HPR: variants seen among roughly 807,000 people sequenced by gnomAD.
HPR encodes haptoglobin-related protein, also known as Haptoglobin-related locus.
A neutral mutation model predicts 18.5 loss-of-function variants in HPR; 17 were observed. That is an observed-to-expected ratio of 0.92 (90% confidence interval 0.63 to 1.38). The LOEUF is 1.38. Among genes scored for constraint, HPR ranks in the 40% most tolerant of loss-of-function variants. The probability of loss-of-function intolerance (pLI) is 0.00; values close to 1 mark genes in which losing one functional copy is unlikely to be tolerated. For missense variants in HPR, 457 were observed against 432.4 expected (o/e 1.06, Z -0.51); for synonymous variants, 176 against 165.0 (o/e 1.07, Z -0.51).
rs751302143 is a variant in HPR, at chr16:72,063,231, T to C, written c.-25T>C. ...ACCAGCAGATGCCCCACAGCACTGC[T>C]CTTCCAGAGGCAAGACCAACCAAGA... On this transcript the variant is annotated 5_prime_UTR_variant, in exon 1 of 5. Transcript: ENST00000540303. The C allele has an allele frequency of 4.5e-5, 71 of 1,589,390 alleles. 2 individuals carry two copies. The South Asian group carries it at 6.5e-4, about 15-fold the overall frequency.
intron 4 of HPR, among the ~76,000 whole-genome samples, chr16:72,075,849 G>C (rs1179355686): frequency 2.7e-5 from 2 of 73,354 alleles, no homozygotes; most frequent in African/African-American, 9.9e-5. Context: ...TTTTTTTTTT[G>C]AGACAGAGTT....
rs1398532895 is a variant in HPR, at chr16:72,076,596, G to A, written c.562G>A (p.Asp188Asn). The A allele has an allele frequency of 1.9e-6, 3 of 1,614,122 alleles. No homozygotes were observed. In the African/African-American group the frequency reaches 4.0e-5, roughly 22 times the overall value. ...TCTACACCCTAACTACCACCAGGTA[G>A]ATATTGGGCTCATCAAACTCAAACA... ...VVLHPNYHQV[D>N]IGLIKLKQKV... Residue 188 changes from aspartate to asparagine, a missense_variant, in exon 5 of 5, where the codon GAT (aspartate) becomes AAT (asparagine). Physicochemically the swap from Asp to Asn is conservative, Grantham distance 23 (BLOSUM62 1). Transcript: ENST00000540303.
rs886687283 is a variant in HPR, at chr16:72,076,437, A to G, written c.403A>G (p.Asn135Asp). The change falls in exon 5 of 5, where the codon AAT becomes GAT. Residue 135 changes from asparagine to aspartate, a missense_variant. Physicochemically the swap from Asn to Asp is conservative, Grantham distance 23 (BLOSUM62 1). Transcript: ENST00000540303. The part of the protein sequence containing the change: ...HNLTTGATLI[N>D]EQWLLTTAKN... ...TCTCACCACAGGGGCCACGCTGATC[A>G]ATGAACAATGGCTGCTGACCACGGC... is the stretch of plus-strand genomic sequence containing the variant. The G allele has an allele frequency of 6.2e-7, 1 of 1,614,104 alleles. No homozygotes were observed. The highest frequency in any genetic ancestry group is 8.5e-7 in the Non-Finnish European group (1 of 1,180,054).
intron 1 of HPR, among the ~76,000 whole-genome samples, chr16:72,066,779 T>C (rs948568530): frequency 3.9e-5 from 6 of 152,158 alleles, no homozygotes; most frequent in African/African-American, 1.4e-4. Context: ...CTAAGAGAAC[T>C]TCTCAGAGAA....
At chr16:72,074,703 T>C (rs1425149979) in intron 3 of HPR, 1 of 705,834 alleles carries the variant, frequency 1.4e-6, no homozygotes, top group Admixed American at 2.0e-5. Flanking sequence ...CCTCACCTAG[T>C]GAGTCTTGCT....
At chr16:72,072,420 A>G (rs1345483867) in intron 1 of HPR, among the ~76,000 whole-genome samples, 1 of 152,204 alleles carries the variant, frequency 6.6e-6, no homozygotes, top group Non-Finnish European at 1.5e-5. Flanking sequence ...TACCAGCGAA[A>G]GAGGGTGGAG....
intron 1 of HPR, among the ~76,000 whole-genome samples, chr16:72,067,146 C>G (rs980360285): frequency 3.0e-4 from 46 of 152,154 alleles, no homozygotes; most frequent in African/African-American, 1.1e-3. Context: ...CCCTTCCACT[C>G]ACGACCTTTG....
At chr16:72,075,964 C>T (rs974098676) in intron 4 of HPR, among the ~76,000 whole-genome samples, 17 of 151,980 alleles carry the variant, frequency 1.1e-4, no homozygotes, top group African/African-American at 3.4e-4. Context: ...CGTGAGCCAC[C>T]GCATCTGGCC....
At chr16:72,066,005 G>A (rs531712141) in intron 1 of HPR, among the ~76,000 whole-genome samples, 1 of 152,312 alleles carries the variant, frequency 6.6e-6, no homozygotes, top group East Asian at 1.9e-4. Flanking sequence ...CTCAGGGGCA[G>A]TCGTCCCAAG....
intron 1 of HPR, among the ~76,000 whole-genome samples, chr16:72,071,717 G>A (rs1567589429): frequency 6.6e-6 from 1 of 152,146 alleles, no homozygotes; most frequent in Non-Finnish European, 1.5e-5. Context: ...ACCATTACTG[G>A]ACACTGCCGA....
At chr16:72,071,530 G>C (rs2041655479) in intron 1 of HPR, among the ~76,000 whole-genome samples, 1 of 152,130 alleles carries the variant, frequency 6.6e-6, no homozygotes, top group Admixed American at 6.5e-5. Context: ...CAGCCCCCGA[G>C]GGCCATCAGC....
Position 72,074,357 on chromosome 16 carries a change from CTACTACAG to C in HPR, c.166_173del (p.Tyr56ThrfsTer13). On this transcript the variant is annotated frameshift_variant, in exon 3 of 5. Transcript: ENST00000540303. LOFTEE classifies it high-confidence loss of function. ...ACTTGTTTCGCTACCAGTGTAAGAA[CTACTACAG>C]ACTGCGCACAGAAGGAGATGGTAAG... 6.2e-7 allele frequency: 1 copy of C among 1,613,698 alleles called. No homozygotes were observed. The highest frequency in any genetic ancestry group is 8.5e-7 in the Non-Finnish European group (1 of 1,179,640).
chr16:72,076,817 C>A lies in HPR; in HGVS notation c.783C>A (p.Pro261=). Reference sequence around the variant, plus strand: ...CGCATTATGAAGGCAGCACATGCCCCAAATGGAAGGCACCGAAGAGCCCTG... The same window carrying A: ...CGCATTATGAAGGCAGCACATGCCCAAAATGGAAGGCACCGAAGAGCCCTG... ...CITHYEGSTC[P]KWKAPKSPVG... is the part of the protein sequence containing the mutation. Residue 261 remains proline (P), a synonymous_variant, in exon 5 of 5, where the codon CCC becomes CCA. Coordinates refer to ENST00000540303, the MANE Select transcript of HPR (RefSeq NM_020995.4). The A allele has an allele frequency of 6.2e-7, 1 of 1,614,218 alleles. No individual in the cohort carries two copies. The highest frequency in any genetic ancestry group is 8.5e-7 in the Non-Finnish European group (1 of 1,180,042).
chr16:72,070,177 G>T (rs185208236), intron 1 of HPR, among the ~76,000 whole-genome samples: 66 of 152,274 alleles, frequency 4.3e-4, no homozygotes, highest in Non-Finnish European at 7.9e-4. Flanking sequence ...TTAAGAATCC[G>T]AACTGCTCCT....
chr16:72,070,428 G>A (rs2041642163), intron 1 of HPR, among the ~76,000 whole-genome samples: 1 of 152,198 alleles, frequency 6.6e-6, no homozygotes, highest in Non-Finnish European at 1.5e-5. Flanking sequence ...GTGGAAGGAA[G>A]GCAAACTCAA....
intron 1 of HPR, among the ~76,000 whole-genome samples, chr16:72,063,856 C>T (rs1257516551): frequency 6.6e-6 from 1 of 152,104 alleles, no homozygotes; most frequent in Non-Finnish European, 1.5e-5. Flanking sequence ...AATTCTCCTG[C>T]CTCAGCCTCC....
At chr16:72,071,729 T>G (rs1465896839) in intron 1 of HPR, among the ~76,000 whole-genome samples, 2 of 152,104 alleles carry the variant, frequency 1.3e-5, no homozygotes, top group Admixed American at 6.5e-5. Context: ...CACTGCCGAG[T>G]AACTGGAGCA....
chr16:72,068,047 G>T (rs1352714615), intron 1 of HPR, among the ~76,000 whole-genome samples: 1 of 152,082 alleles, frequency 6.6e-6, no homozygotes, highest in Non-Finnish European at 1.5e-5. Flanking sequence ...TTGCCTCAGG[G>T]GTTCATGGAT....
At position 72,073,880 on chromosome 16, in the gene HPR, T is replaced by A. The variant is rs780586826; in HGVS notation, c.6-12T>A. On this transcript the variant is annotated splice_polypyrimidine_tract_variant and intron_variant, in intron 1 of 4. Transcript: ENST00000540303. ...GACCAGCTTTCCGCTCCTTCTTGTT[T>A]TCTCTCTGCAGTGACCTGGGAGCTG... 1 of 1,613,876 alleles carries A rather than the reference T, an allele frequency of 6.2e-7. No individual in the cohort carries two copies. The highest frequency in any genetic ancestry group is 1.1e-5 in the South Asian group (1 of 91,076).
Sources: gnomAD v4.1 joint callset for allele counts (sites outside exome capture counted in the v4.1 genomes callset) on GRCh38, gnomAD v4.1.1 for gene constraint, MANE v1.5 for transcripts, NCBI Gene and HGNC (gene_info 2026-07-23, HGNC 2026-07-21) for gene names.